TMEFF2: variants seen among roughly 807,000 people sequenced by gnomAD.
TMEFF2 encodes the protein transmembrane protein with EGF like and two follistatin like domains 2.
A neutral mutation model predicts 53.8 loss-of-function variants in TMEFF2; 28 were observed. The observed-to-expected ratio is 0.52, with a 90% CI of 0.39 to 0.71. TMEFF2 has a LOEUF of 0.71. Among genes scored for constraint, TMEFF2 ranks in the 30% least tolerant of loss-of-function variants. TMEFF2 has a pLI of 0.00. For synonymous variants in TMEFF2, 162 were observed against 166.3 expected, an observed-to-expected ratio of 0.97 and a Z score of 0.20; for missense variants, 353 against 455.2, an observed-to-expected ratio of 0.78 and a Z score of 2.04.
At chr2:192,060,435 G>A (rs949078326) in intron 4 of TMEFF2, among the ~76,000 whole-genome samples, 4 of 152,186 alleles carry the variant, frequency 2.6e-5, no homozygotes, top group Non-Finnish European at 5.9e-5. Flanking sequence ...AGCGGGTGGT[G>A]AAATTAATGC....
At chr2:191,986,435 A>G (rs994989775) in intron 7 of TMEFF2, among the ~76,000 whole-genome samples, 2 of 152,212 alleles carry the variant, frequency 1.3e-5, no homozygotes, top group Non-Finnish European at 2.9e-5. Flanking sequence ...TCAATAACCT[A>G]TAACTAAAAG....
chr2:192,121,946 G>C (rs1300107570), intron 4 of TMEFF2, among the ~76,000 whole-genome samples: 1 of 152,078 alleles, frequency 6.6e-6, no homozygotes, highest in Non-Finnish European at 1.5e-5. Context: ...CAAAATTACA[G>C]TTAAATATTA....
intron 5 of TMEFF2, among the ~76,000 whole-genome samples, chr2:192,057,296 C>G (rs891395761): frequency 6.6e-6 from 1 of 152,182 alleles, no homozygotes; most frequent in African/African-American, 2.4e-5. Flanking sequence ...GATCCTCCTG[C>G]CTTGGCCTCC....
intron 5 of TMEFF2, among the ~76,000 whole-genome samples, chr2:192,016,185 T>C (rs1170531191): frequency 6.6e-6 from 1 of 152,142 alleles, no homozygotes; most frequent in Non-Finnish European, 1.5e-5. Context: ...ATCCCCTGAA[T>C]TGAGAGATAC....
intron 4 of TMEFF2, among the ~76,000 whole-genome samples, chr2:192,143,948 T>C (rs1032200486): frequency 6.6e-6 from 1 of 152,180 alleles, no homozygotes; most frequent in African/African-American, 2.4e-5. Flanking sequence ...CCAGTCTTTA[T>C]TCCATTTAAC....
At chr2:192,177,308 C>T (rs1026212470) in intron 4 of TMEFF2, 4 of 151,078 alleles carry the variant, frequency 2.6e-5, no homozygotes, top group Non-Finnish European at 5.9e-5. Context: ...ACGATTACAA[C>T]CCAATGGATA....
chr2:192,069,984 GTGTGTATATATATATATATATATATA>G (rs1275552092), intron 4 of TMEFF2, among the ~76,000 whole-genome samples: 1 of 6,850 alleles, frequency 1.5e-4, no homozygotes, highest in African/African-American at 3.9e-4. Context: ...GTGTGTGTGT[GTGTGTATATATATATATATATATATA>G]TATATATATA....
At chr2:192,137,283 G>A (rs1304590308) in intron 4 of TMEFF2, among the ~76,000 whole-genome samples, 2 of 152,142 alleles carry the variant, frequency 1.3e-5, no homozygotes, top group Non-Finnish European at 2.9e-5. Flanking sequence ...TTTAACAGGG[G>A]AAGTGAAGGT....
At chr2:191,992,243 G>C (rs1686124915) in intron 7 of TMEFF2, among the ~76,000 whole-genome samples, 1 of 152,060 alleles carries the variant, frequency 6.6e-6, no homozygotes. Flanking sequence ...ATTTCCTACA[G>C]ATCAAATTAT....
Position 191,956,289 on chromosome 2 carries a change from C to A in TMEFF2, c.835G>T (p.Glu279Ter), listed in dbSNP as rs1295740533. ...YNGFCMHGKCEHSINMQEPSC... is the reference protein window; with the variant it reads ...YNGFCMHGKC The stretch of plus-strand genomic sequence containing the variant: ...GGCTCCTGCATATTGATAGAATGCT[C>A]ACACTTCCCATGCATGCAGAAGCCA... The change falls in exon 8 of 10, where the codon GAG becomes TAG. Residue 279 changes from glutamate (E) to a stop codon, truncating the protein, a stop_gained. Coordinates refer to ENST00000272771, the MANE Select transcript of TMEFF2 (RefSeq NM_016192.4). LOFTEE classifies it high-confidence loss of function. 1 of 1,613,754 alleles carries A rather than the reference C, an allele frequency of 6.2e-7. No homozygotes were observed. Among genetic ancestry groups the A allele is most frequent in the East Asian group, 2.2e-5 (1 of 44,862 alleles).
Position 191,955,524 on chromosome 2 carries a change from A to ATTTTTTTTTTTTTTTTTT in TMEFF2, c.869+713_869+730dup, listed in dbSNP as rs71405028. 8.8e-4 allele frequency among the ~76,000 whole-genome samples: 53 copies of ATTTTTTTTTTTTTTTTTT among 60,276 alleles called. 7 individuals are homozygous for ATTTTTTTTTTTTTTTTTT. The highest frequency in any genetic ancestry group is 1.3e-3 in the East Asian group (2 of 1,556). 39.5% of individuals were successfully genotyped at this position (60,276 alleles called of 152,430 possible). On this transcript the variant is annotated intron_variant, in intron 8 of 9. Transcript: ENST00000272771. ...TGCCACCGTGCCTGGCTAATTCTTA[A>ATTTTTTTTTTTTTTTTTT]TTTTTTTTTTTTTTTTTTTTTTTTA...
chr2:192,176,929 T>C (rs1691059537), intron 4 of TMEFF2: 1 of 151,238 alleles, frequency 6.6e-6, no homozygotes, highest in Non-Finnish European at 1.5e-5. Flanking sequence ...ACATGATAAA[T>C]GTTTTACAAG....
Position 192,179,684 on chromosome 2 carries a change from T to C in TMEFF2, c.423A>G (p.Ser141=), listed in dbSNP as rs1458133883. 4.6e-6 allele frequency: 7 copies of C among 1,527,744 alleles called. No homozygotes were observed. The highest frequency in any genetic ancestry group is 6.1e-6 in the Non-Finnish European group (7 of 1,145,638). 94.6% of individuals were successfully genotyped at this position (1,527,744 alleles called of 1,614,324 possible). The change falls in exon 4 of 10, where the codon TCA becomes TCG. Residue 141 remains serine, a synonymous_variant. Coordinates refer to ENST00000272771, the MANE Select transcript of TMEFF2 (RefSeq NM_016192.4). The part of the protein sequence containing the change: ...SEGSCATDAG[S]GSGDGVHEGS... ...AACTCCTACCTCCATCTCCAGATCC[T>C]GATCCTGCATCTGTGGGGGGAAAAG... is the stretch of plus-strand genomic sequence containing the variant.
intron 5 of TMEFF2, among the ~76,000 whole-genome samples, chr2:192,003,545 A>G (rs1686418409): frequency 6.6e-6 from 1 of 152,206 alleles, no homozygotes; most frequent in Non-Finnish European, 1.5e-5. Flanking sequence ...CTTTTTGTGC[A>G]TCACTGGGAT....
At chr2:192,011,874 TTTTTA>T (rs1259026336) in intron 5 of TMEFF2, among the ~76,000 whole-genome samples, 1 of 152,154 alleles carries the variant, frequency 6.6e-6, no homozygotes, top group African/African-American at 2.4e-5. Flanking sequence ...TTCAAAATAT[TTTTTA>T]TTTTTACATA....
At chr2:192,050,386 A>C (rs756436726) in intron 5 of TMEFF2, among the ~76,000 whole-genome samples, 13 of 152,210 alleles carry the variant, frequency 8.5e-5, no homozygotes, top group Non-Finnish European at 1.9e-4. Flanking sequence ...TTTTTTAAAT[A>C]AAAAAGGTAG....
intron 4 of TMEFF2, among the ~76,000 whole-genome samples, chr2:192,171,348 T>G (rs1242207849): frequency 2.0e-5 from 3 of 151,966 alleles, no homozygotes; most frequent in African/African-American, 7.2e-5. Context: ...ACTTTATCTT[T>G]TTTTTCCTTT....
At chr2:192,099,486 C>T (rs943317019) in intron 4 of TMEFF2, among the ~76,000 whole-genome samples, 11 of 152,176 alleles carry the variant, frequency 7.2e-5, no homozygotes, top group Non-Finnish European at 1.3e-4. Flanking sequence ...CATTGTGTTT[C>T]GAATTTTCTT....
intron 4 of TMEFF2, among the ~76,000 whole-genome samples, chr2:192,105,330 ATATC>A (rs1181286202): frequency 2.0e-5 from 3 of 151,972 alleles, no homozygotes; most frequent in African/African-American, 7.2e-5. Flanking sequence ...CCTACTGAGC[ATATC>A]TATCAAGTAA....
Sources: gnomAD v4.1 joint callset for allele counts (sites outside exome capture counted in the v4.1 genomes callset) on GRCh38, gnomAD v4.1.1 for gene constraint, MANE v1.5 for transcripts, NCBI Gene and HGNC (gene_info 2026-07-23, HGNC 2026-07-21) for gene names.